Variants in CFDP1 observed in about 807,000 individuals in gnomAD.
The protein encoded by CFDP1 is heterochromatin-stabilizing protein CFDP1.
In CFDP1, 31 loss-of-function variants were observed where a neutral mutation model predicts 40.1. The ratio of observed to expected loss-of-function variants is 0.77; its 90% CI spans 0.58 to 1.04. The LOEUF is 1.04. CFDP1 is among the 50% of genes least tolerant of loss of function. The pLI is 0.00. For synonymous variants in CFDP1, 167 were observed against 120.0 expected, an observed-to-expected ratio of 1.39 and a Z score of -2.56; for missense variants, 423 against 343.4, an observed-to-expected ratio of 1.23 and a Z score of -1.83.
chr16:75,316,798 C>T (rs2078326060), intron 5 of CFDP1, among the ~76,000 whole-genome samples: 1 of 151,812 alleles, frequency 6.6e-6, no homozygotes, highest in African/African-American at 2.4e-5. Flanking sequence ...AGAGAAACCC[C>T]ATCTCTAATA....
At chr16:75,294,912 G>T (rs1037098864) in intron 6 of CFDP1, among the ~76,000 whole-genome samples, 1 of 152,204 alleles carries the variant, frequency 6.6e-6, no homozygotes, top group African/African-American at 2.4e-5. Flanking sequence ...TAGGAGTGAG[G>T]CTGGCTGCTT....
rs144692263 is a variant in CFDP1 at position 75,298,658 on chromosome 16, C to T, written c.810-4616G>A. Reference sequence around the variant, plus strand: ...TACAGAGATACAGACTTTGCTGCCTCGAGAAATGCAGTTGAAAGAAGCAGT... The same window carrying T: ...TACAGAGATACAGACTTTGCTGCCTTGAGAAATGCAGTTGAAAGAAGCAGT... On this transcript the variant is annotated intron_variant, in intron 6 of 6. Coordinates refer to ENST00000283882, the MANE Select transcript of CFDP1 (RefSeq NM_006324.3). Among the ~76,000 whole-genome samples the T allele has an allele frequency of 6.7e-3, 1,014 of 152,266 alleles. 7 individuals carry two copies. Among genetic ancestry groups the T allele is most frequent in the African/African-American group, 0.024 (982 of 41,536 alleles).
intron 4 of CFDP1, among the ~76,000 whole-genome samples, chr16:75,398,085 G>C (rs1597382996): frequency 6.6e-6 from 1 of 152,328 alleles, no homozygotes; most frequent in Admixed American, 6.5e-5. Flanking sequence ...TTGGAGCTTA[G>C]CTGAGCCGAG....
At chr16:75,378,581 A>G (rs563714224) in intron 5 of CFDP1, among the ~76,000 whole-genome samples, 1 of 152,314 alleles carries the variant, frequency 6.6e-6, no homozygotes, top group South Asian at 2.1e-4. Flanking sequence ...CATACAAAAA[A>G]GACAAAATCT....
chr16:75,353,728 G>A (rs1278433782), intron 5 of CFDP1, among the ~76,000 whole-genome samples: 7 of 124,028 alleles, frequency 5.6e-5, no homozygotes, highest in South Asian at 2.5e-4. Context: ...CAGCCTGGGC[G>A]ACACAGCAAA....
chr16:75,323,521 C>A (rs946089291), intron 5 of CFDP1, among the ~76,000 whole-genome samples: 1 of 151,932 alleles, frequency 6.6e-6, no homozygotes, highest in Non-Finnish European at 1.5e-5. Context: ...TGGCTCACGC[C>A]TGTAATCCCA....
intron 5 of CFDP1, among the ~76,000 whole-genome samples, chr16:75,332,871 G>C (rs1241609866): frequency 6.8e-6 from 1 of 146,498 alleles, no homozygotes; most frequent in Non-Finnish European, 1.5e-5. Context: ...ACAGTGGCGC[G>C]ATCCCAGCTC....
chr16:75,381,981 T>C (rs539272440), intron 5 of CFDP1, among the ~76,000 whole-genome samples: 9 of 152,068 alleles, frequency 5.9e-5, no homozygotes, highest in African/African-American at 2.2e-4. Flanking sequence ...CCAGGCATGG[T>C]GGTGCATGCC....
At chr16:75,381,014 A>AT (rs1289174313) in intron 5 of CFDP1, among the ~76,000 whole-genome samples, 1 of 152,260 alleles carries the variant, frequency 6.6e-6, no homozygotes, top group African/African-American at 2.4e-5. Flanking sequence ...TATCTAAGCT[A>AT]AATCTCTGCC....
At chr16:75,414,473 G>A in intron 2 of CFDP1, 105 bp downstream of exon 2, 1 of 702,844 alleles carries the variant, frequency 1.4e-6, no homozygotes, top group Non-Finnish European at 2.5e-6. Context: ...AGAGAAAAGG[G>A]TTAGAAACTC....
chr16:75,297,375 G>A (rs2078191369), intron 6 of CFDP1, among the ~76,000 whole-genome samples: 1 of 152,228 alleles, frequency 6.6e-6, no homozygotes, highest in African/African-American at 2.4e-5. Context: ...AAAACCCAGG[G>A]CAACCGGAAC....
chr16:75,313,521 G>T (rs1438929113), intron 5 of CFDP1, among the ~76,000 whole-genome samples: 1 of 152,204 alleles, frequency 6.6e-6, no homozygotes, highest in East Asian at 1.9e-4. Flanking sequence ...TAGTGATAGG[G>T]TTTTGCCATG....
At chr16:75,388,074 C>A (rs1026481205) in intron 5 of CFDP1, among the ~76,000 whole-genome samples, 1 of 152,148 alleles carries the variant, frequency 6.6e-6, no homozygotes, top group Non-Finnish European at 1.5e-5. Flanking sequence ...TGGCTGAGAG[C>A]CCAGGCTTTG....
intron 5 of CFDP1, among the ~76,000 whole-genome samples, chr16:75,329,820 C>A (rs2078432191): frequency 1.3e-5 from 2 of 152,194 alleles, no homozygotes; most frequent in Admixed American, 1.3e-4. Context: ...AAATGTCTTA[C>A]ATTCTTACTC....
Position 75,423,124 on chromosome 16 carries a change from C to T in CFDP1, c.65-8429G>A, listed in dbSNP as rs183629864. Among the ~76,000 whole-genome samples the T allele has an allele frequency of 3.8e-4, 57 of 151,700 alleles. 1 individual carries two copies. Among genetic ancestry groups the T allele is most frequent in the Admixed American group, 3.2e-3 (49 of 15,234 alleles). ...TGAAACCCCATCTCTACTAAAAATA[C>T]AAAAAAATTAGCCGGGCCTTGTGGT... On this transcript the variant is annotated intron_variant, in intron 1 of 6. Transcript: ENST00000283882.
intron 5 of CFDP1, among the ~76,000 whole-genome samples, chr16:75,344,908 G>T (rs1415816251): frequency 6.6e-6 from 1 of 152,026 alleles, no homozygotes; most frequent in Non-Finnish European, 1.5e-5. Context: ...CTCCAGCCTG[G>T]GCAACAGAGG....
chr16:75,329,463 G>C (rs914751392), intron 5 of CFDP1, among the ~76,000 whole-genome samples: 1 of 152,168 alleles, frequency 6.6e-6, no homozygotes, highest in Non-Finnish European at 1.5e-5. Context: ...GTGATAACCA[G>C]TTTGGCTTAA....
Position 75,411,904 on chromosome 16 carries a change from C to T in CFDP1, c.451G>A (p.Ala151Thr), listed in dbSNP as rs777326580. The T allele has an allele frequency of 1.2e-6, 2 of 1,611,768 alleles. No homozygotes were observed. The highest frequency in any genetic ancestry group is 1.1e-5 in the South Asian group (1 of 90,460). ...ETSSSKLLVK[A>T]EELEKPKETE... Reference sequence around the variant, plus strand: ...TCTTTAGGTTTCTCTAGCTCTTCTGCTTTTACCAACAATTTACTTGAACTT... The same window carrying T: ...TCTTTAGGTTTCTCTAGCTCTTCTGTTTTTACCAACAATTTACTTGAACTT... Residue 151 changes from alanine to threonine, a missense_variant, in exon 4 of 7, where the codon GCA becomes ACA. Coordinates refer to ENST00000283882, the MANE Select transcript of CFDP1 (RefSeq NM_006324.3).
chr16:75,302,152 A>T (rs2078225822), intron 6 of CFDP1, among the ~76,000 whole-genome samples: 1 of 152,232 alleles, frequency 6.6e-6, no homozygotes, highest in Non-Finnish European at 1.5e-5. Context: ...CCACTGCCTG[A>T]AAAGTTCTCA....
Sources: allele counts gnomAD v4.1 joint callset (sites outside exome capture counted in the v4.1 genomes callset), GRCh38; gene constraint gnomAD v4.1.1; transcripts MANE v1.5; gene names NCBI Gene and HGNC (gene_info 2026-07-23, HGNC 2026-07-21).